The following THSD7A variants were observed in gnomAD, a reference collection of about 807,000 sequenced individuals.
The protein encoded by THSD7A is thrombospondin type 1 domain containing 7A, also known as thrombospondin type-1 domain-containing protein 7A.
Under a neutral mutation model 231.3 loss-of-function variants are expected in THSD7A, and 96 were observed. That is an observed-to-expected ratio of 0.41 (90% CI 0.35 to 0.49). The LOEUF (loss-of-function observed/expected upper bound fraction) is 0.49, where lower values mean the gene tolerates loss of function less well. Among genes scored for constraint, THSD7A ranks in the 20% least tolerant of loss-of-function variants. THSD7A has a pLI of 0.05. For missense variants in THSD7A, 2,290 were observed against 2,070.2 expected (o/e 1.11, Z -2.06); for synonymous variants, 940 against 743.3 (o/e 1.26, Z -4.30).
chr7:11,596,487 C>T (rs925920449), intron 2 of THSD7A, among the ~76,000 whole-genome samples: 3 of 152,132 alleles, frequency 2.0e-5, no homozygotes, highest in Admixed American at 6.6e-5. Flanking sequence ...TACTTAGCAG[C>T]GGACAGAACC....
At chr7:11,630,203 G>C (rs369950292) in intron 2 of THSD7A, among the ~76,000 whole-genome samples, 10 of 152,160 alleles carry the variant, frequency 6.6e-5, no homozygotes, top group African/African-American at 2.2e-4. Context: ...AGTATTCTAA[G>C]GTAAAATAAG....
chr7:11,595,522 C>T lies in THSD7A; in HGVS notation c.1023-2020G>A, dbSNP rs141381652. Among the ~76,000 whole-genome samples, 1,398 of 152,174 alleles carry T rather than the reference C, an allele frequency of 9.2e-3. 21 individuals carry two copies. The highest frequency in any genetic ancestry group is 0.031 in the African/African-American group (1,306 of 41,524). ...TGGATAAAAGATGGCCCATTGTGAG[C>T]GAGCTGGAAATGCCTGATCTCCCCT... On this transcript the variant is annotated intron_variant, in intron 2 of 27. Coordinates refer to ENST00000423059, the MANE Select transcript of THSD7A (RefSeq NM_015204.3).
At chr7:11,738,746 G>A (rs1782002570) in intron 1 of THSD7A, among the ~76,000 whole-genome samples, 1 of 151,972 alleles carries the variant, frequency 6.6e-6, no homozygotes, top group African/African-American at 2.4e-5. Flanking sequence ...GAAGATGGAA[G>A]AAAAGGCCAC....
At chr7:11,703,374 G>A (rs573065117) in intron 1 of THSD7A, among the ~76,000 whole-genome samples, 5 of 151,194 alleles carry the variant, frequency 3.3e-5, no homozygotes, top group African/African-American at 1.2e-4. Context: ...TTGGGAATCT[G>A]AGGATCAGAG....
chr7:11,776,759 C>T (rs1383199552), intron 1 of THSD7A, among the ~76,000 whole-genome samples: 1 of 152,174 alleles, frequency 6.6e-6, no homozygotes, highest in Non-Finnish European at 1.5e-5. Flanking sequence ...CGCATCTTGA[C>T]AACTAGTAAA....
chr7:11,385,893 G>A (rs573210516), intron 23 of THSD7A, among the ~76,000 whole-genome samples: 72 of 151,826 alleles, frequency 4.7e-4, no homozygotes, highest in Middle Eastern at 3.4e-3. Flanking sequence ...CACAGGAACC[G>A]GTGTGTGATG....
chr7:11,571,585 T>C (rs1790632575), intron 4 of THSD7A, among the ~76,000 whole-genome samples: 2 of 152,248 alleles, frequency 1.3e-5, no homozygotes. Context: ...TCAGGTAATC[T>C]ATCTCCATAG....
intron 1 of THSD7A, among the ~76,000 whole-genome samples, chr7:11,753,684 T>C (rs1215867424): frequency 6.6e-6 from 1 of 151,808 alleles, no homozygotes; most frequent in Non-Finnish European, 1.5e-5. Context: ...CCCTAAGACC[T>C]GAGACCATAC....
chr7:11,685,545 T>C (rs1780016884), intron 1 of THSD7A, among the ~76,000 whole-genome samples: 2 of 151,574 alleles, frequency 1.3e-5, no homozygotes, highest in South Asian at 4.1e-4. Flanking sequence ...ATAACTCTAT[T>C]ATAAAGTAGG....
chr7:11,706,243 CAT>C (rs1209777448), intron 1 of THSD7A, among the ~76,000 whole-genome samples: 5 of 150,862 alleles, frequency 3.3e-5, no homozygotes, highest in African/African-American at 1.2e-4. Context: ...AGCTAGAGCA[CAT>C]GTGTATTGTC....
At chr7:11,714,182 T>C (rs1485039607) in intron 1 of THSD7A, among the ~76,000 whole-genome samples, 1 of 151,232 alleles carries the variant, frequency 6.6e-6, no homozygotes, top group Admixed American at 6.6e-5. Flanking sequence ...TCTAAATGTG[T>C]TAATAAAATA....
intron 1 of THSD7A, among the ~76,000 whole-genome samples, chr7:11,756,078 A>C (rs1324700726): frequency 6.6e-6 from 1 of 152,068 alleles, no homozygotes; most frequent in Admixed American, 6.6e-5. Context: ...TCTGCTTTTA[A>C]ATGTCACTAT....
intron 1 of THSD7A, among the ~76,000 whole-genome samples, chr7:11,652,674 G>A (rs898952821): frequency 4.6e-5 from 7 of 151,758 alleles, no homozygotes; most frequent in African/African-American, 1.5e-4. Context: ...TTTTTATTAA[G>A]TTGAAATTAT....
At chr7:11,720,901 T>A (rs931038594) in intron 1 of THSD7A, among the ~76,000 whole-genome samples, 1 of 151,760 alleles carries the variant, frequency 6.6e-6, no homozygotes, top group African/African-American at 2.4e-5. Flanking sequence ...TTCCTTCTAC[T>A]CTACCCACCC....
chr7:11,538,788 A>G (rs1789022514), intron 6 of THSD7A, among the ~76,000 whole-genome samples: 1 of 151,662 alleles, frequency 6.6e-6, no homozygotes, highest in African/African-American at 2.4e-5. Flanking sequence ...GCTATGCAAA[A>G]CTCCTCCTGG....
rs1004892457 is a variant in THSD7A at position 11,636,351 on chromosome 7, G to C, written c.801C>G (p.His267Gln). 2 of 1,613,728 alleles carry C rather than the reference G, an allele frequency of 1.2e-6. No homozygotes were observed. Among genetic ancestry groups the C allele is most frequent in the African/African-American group, 2.7e-5 (2 of 74,918 alleles). ...VGPWSTCSMP[H>Q]SRQVRQARRR... ...TCCTTGCTTGTCTTACTTGTCGGGA[G>C]TGGGGCATTGAGCAGGTGCTCCAGG... The change falls in exon 2 of 28, where the codon CAC becomes CAG. Residue 267 changes from histidine (H) to glutamine (Q), a missense_variant. Transcript: ENST00000423059. The surrounding 1 kb of genome is among the most constrained non-coding windows in gnomAD (Gnocchi z 10.0).
chr7:11,737,264 T>G (rs1414504685), intron 1 of THSD7A, among the ~76,000 whole-genome samples: 1 of 151,738 alleles, frequency 6.6e-6, no homozygotes, highest in Non-Finnish European at 1.5e-5. Flanking sequence ...CTGAGAGAAC[T>G]GGCTGCTTCT....
At chr7:11,525,090 G>T (rs1297958244) in intron 6 of THSD7A, among the ~76,000 whole-genome samples, 1 of 152,076 alleles carries the variant, frequency 6.6e-6, no homozygotes, top group Non-Finnish European at 1.5e-5. Context: ...TACATTTTAA[G>T]CCATCAGCAA....
intron 4 of THSD7A, among the ~76,000 whole-genome samples, chr7:11,557,584 CTTCT>C (rs974575678): frequency 9.2e-5 from 14 of 151,640 alleles, no homozygotes; most frequent in African/African-American, 3.4e-4. Flanking sequence ...AAATCCTTTT[CTTCT>C]TTCTAACTGG....
Sources: allele counts gnomAD v4.1 joint callset (sites outside exome capture counted in the v4.1 genomes callset), GRCh38; gene constraint gnomAD v4.1.1; non-coding constraint Gnocchi (gnomAD v3.1); transcripts MANE v1.5; gene names NCBI Gene and HGNC (gene_info 2026-07-23, HGNC 2026-07-21).